Variants in BICD2 observed in about 807,000 individuals in gnomAD.
The protein encoded by BICD2 is BICD cargo adaptor 2.
BICD2 carries 25 observed loss-of-function variants against 72.9 expected under a neutral mutation model. The observed-to-expected ratio is 0.34, with a 90% CI of 0.25 to 0.48. The LOEUF is 0.48. BICD2 is among the 20% of genes least tolerant of loss of function. The probability of loss-of-function intolerance (pLI) is 0.99; values close to 1 mark genes in which losing one functional copy is unlikely to be tolerated. For missense variants in BICD2, 894 were observed against 1,175.2 expected (o/e 0.76, Z 3.50); for synonymous variants, 501 against 516.1 (o/e 0.97, Z 0.40).
chr9:92,722,592 G>C, intron 3 of BICD2, 64 bp downstream of exon 3: 4 of 1,603,774 alleles, frequency 2.5e-6, no homozygotes, highest in South Asian at 2.2e-5. Context: ...GAGGGGCTGA[G>C]CAAGAGGTCC....
chr9:92,720,164 G>T lies in BICD2; in HGVS notation c.1062+136C>A. The T allele has an allele frequency of 1.1e-6, 1 of 943,740 alleles. No homozygotes were observed. Among genetic ancestry groups the T allele is most frequent in the Non-Finnish European group, 1.5e-6 (1 of 650,676 alleles). 58.5% of individuals were successfully genotyped at this position (943,740 alleles called of 1,614,324 possible). ...GTGTGCTCCTGGAGTTCCATTTACC[G>T]TAATGATGCAGGAGATAAAATCAAC... On this transcript the variant is annotated intron_variant, in intron 4 of 6. Transcript: ENST00000356884. The surrounding 1 kb of genome is among the most constrained non-coding windows in gnomAD (Gnocchi z 5.4).
intron 2 of BICD2, among the ~76,000 whole-genome samples, chr9:92,724,254 G>A (rs1319334765): frequency 2.6e-5 from 4 of 152,136 alleles, no homozygotes; most frequent in African/African-American, 7.2e-5. Context: ...GGTCACATGT[G>A]TGCACTCATC....
In BICD2 at chr9:92,719,267, G is replaced by A; in HGVS notation, c.1378C>T (p.His460Tyr). The A allele has an allele frequency of 6.2e-7, 1 of 1,613,598 alleles. No individual in the cohort carries two copies. The highest frequency in any genetic ancestry group is 1.7e-5 in the Admixed American group (1 of 60,028). Residue 460 changes from histidine (H) to tyrosine (Y), a missense_variant, in exon 5 of 7, where the codon CAC becomes TAC. Physicochemically the swap from His to Tyr is moderately conservative, Grantham distance 83. Transcript: ENST00000356884. ...GCGTGCTGGGCCTCACGAGCCTCGT[G>A]CGTGCTGCGCAGTGCCTTGAGCTGC... ...REQLKALRST[H>Y]EAREAQHAEE...
In BICD2 at chr9:92,715,086, G is replaced by T; in HGVS notation, c.*68C>A. 1 of 1,518,750 alleles carries T rather than the reference G, an allele frequency of 6.6e-7. No individual in the cohort carries two copies. The highest frequency in any genetic ancestry group is 8.8e-7 in the Non-Finnish European group (1 of 1,131,000). The allele number at this position is 1,518,750 out of a possible 1,614,324, so 94.1% of individuals were successfully genotyped here. A position where few individuals can be genotyped will look rare whatever the true frequency, so the allele number is the denominator to read the frequency against. On this transcript the variant is annotated 3_prime_UTR_variant, in exon 7 of 7. Coordinates refer to ENST00000356884, the MANE Select transcript of BICD2 (RefSeq NM_001003800.2). ...ACGTTAAGATTGACCTAGCACCGCC[G>T]TCCCGCTGCTGCTGGGTTAGTTGAG...
At chr9:92,742,706 C>T (rs1045807018) in intron 1 of BICD2, among the ~76,000 whole-genome samples, 2 of 151,958 alleles carry the variant, frequency 1.3e-5, no homozygotes, top group African/African-American at 4.8e-5. Context: ...CTATCACCCC[C>T]CCCAAAGAAA....
Position 92,718,796 on chromosome 9 carries a change from G to A in BICD2, c.1849C>T (p.Leu617=), listed in dbSNP as rs990859311. ...PSPGSSLPSP[L]SDPRREPMNI... ...ATGGGCTCCCGGCGTGGGTCACTCA[G>A]GGGTGATGGCAGTGAGGAGCCAGGC... The change falls in exon 5 of 7, where the codon CTG becomes TTG. Residue 617 remains leucine (L), a synonymous_variant. Transcript: ENST00000356884. The A allele has an allele frequency of 6.2e-7, 1 of 1,613,720 alleles. No homozygotes were observed. The highest frequency in any genetic ancestry group is 8.5e-7 in the Non-Finnish European group (1 of 1,179,898).
chr9:92,721,307 C>T (rs1167515920), intron 3 of BICD2, among the ~76,000 whole-genome samples: 1 of 152,076 alleles, frequency 6.6e-6, no homozygotes, highest in African/African-American at 2.4e-5. Context: ...ACAGAAACTC[C>T]CCGCAAGGCA....
intron 2 of BICD2, among the ~76,000 whole-genome samples, chr9:92,725,057 A>G (rs1000061876): frequency 7.9e-5 from 12 of 152,340 alleles, no homozygotes; most frequent in African/African-American, 2.9e-4. Flanking sequence ...GTGGGAAGTG[A>G]GAGCCCAGAA....
rs1016057153 is a variant in BICD2 at position 92,720,903 on chromosome 9, T to C, written c.607-148A>G. 1 of 814,030 alleles carries C rather than the reference T, an allele frequency of 1.2e-6. No homozygotes were observed. Among genetic ancestry groups the C allele is most frequent in the Non-Finnish European group, 1.9e-6 (1 of 529,478 alleles). 50.4% of individuals were successfully genotyped at this position (814,030 alleles called of 1,614,324 possible). On this transcript the variant is annotated intron_variant, in intron 3 of 6. Coordinates refer to ENST00000356884, the MANE Select transcript of BICD2 (RefSeq NM_001003800.2). This position sits in a 1 kb window ranked among gnomAD's most constrained non-coding sequence, Gnocchi z 5.4. ...AGGTGAGGTGCCATCCTGGGAAGGGTGGCAGCCCGTCCAGGCCAAGACTGC... is the reference window on the plus strand; with the variant it reads ...AGGTGAGGTGCCATCCTGGGAAGGGCGGCAGCCCGTCCAGGCCAAGACTGC...
chr9:92,743,854 C>T (rs919376135), intron 1 of BICD2, among the ~76,000 whole-genome samples: 2 of 152,134 alleles, frequency 1.3e-5, no homozygotes, highest in African/African-American at 4.8e-5. Context: ...TGAAAAGGCT[C>T]TTTATAAAAG....
intron 1 of BICD2, among the ~76,000 whole-genome samples, chr9:92,758,451 C>T (rs951168248): frequency 6.7e-6 from 1 of 149,078 alleles, no homozygotes; most frequent in Non-Finnish European, 1.5e-5. Context: ...ACTCAGGAGG[C>T]TGAGGCATGA....
At chr9:92,722,497 A>G (rs1853483356) in intron 3 of BICD2, among the ~76,000 whole-genome samples, 159 bp downstream of exon 3, 1 of 152,160 alleles carries the variant, frequency 6.6e-6, no homozygotes, top group South Asian at 2.1e-4. Context: ...GGGTCCCACC[A>G]AGTATACCCC....
chr9:92,728,093 T>C (rs1372157376), intron 2 of BICD2, among the ~76,000 whole-genome samples: 11 of 152,194 alleles, frequency 7.2e-5, no homozygotes. Flanking sequence ...TCCTCCCACC[T>C]GCCCCAGTGG....
intron 3 of BICD2, among the ~76,000 whole-genome samples, chr9:92,721,303 A>G (rs180828749): frequency 6.6e-6 from 1 of 152,122 alleles, no homozygotes; most frequent in East Asian, 1.9e-4. Context: ...AGGAACAGAA[A>G]CTCCCCGCAA....
intron 1 of BICD2, among the ~76,000 whole-genome samples, chr9:92,730,728 C>G (rs1853663880): frequency 6.6e-6 from 1 of 152,170 alleles, no homozygotes; most frequent in Non-Finnish European, 1.5e-5. Context: ...CACAGCCCAG[C>G]AGGAAGACTG....
At chr9:92,718,023 G>T in intron 5 of BICD2, 75 bp from the exon 6 acceptor site, 1 of 1,528,622 alleles carries the variant, frequency 6.5e-7, no homozygotes. Context: ...AGCAGGATCG[G>T]GAGCCCCGGT....
intron 1 of BICD2, among the ~76,000 whole-genome samples, chr9:92,752,461 C>A (rs774305560): frequency 6.6e-6 from 1 of 152,140 alleles, no homozygotes; most frequent in Non-Finnish European, 1.5e-5. Context: ...GGATTATAAC[C>A]CAAAGTATAA....
rs933974794 is a variant in BICD2, at chr9:92,714,462, C to T, written c.*692G>A. The T allele has an allele frequency of 1.5e-5, 15 of 985,506 alleles. No homozygotes were observed. In the African/African-American group the frequency reaches 2.4e-4, roughly 16 times the overall value. The allele number at this position is 985,506 out of a possible 1,614,324, so 61.0% of individuals were successfully genotyped here. ...CCTCACAGGCCACTATACAAGCATC[C>T]TGATCTCAGAAATGAGAAACCGAGC... is the stretch of plus-strand genomic sequence containing the variant. On this transcript the variant is annotated 3_prime_UTR_variant, in exon 7 of 7. Coordinates refer to ENST00000356884, the MANE Select transcript of BICD2 (RefSeq NM_001003800.2).
intron 1 of BICD2, among the ~76,000 whole-genome samples, chr9:92,732,441 T>C (rs1393497427): frequency 6.6e-6 from 1 of 152,116 alleles, no homozygotes; most frequent in East Asian, 1.9e-4. Context: ...TTTTCCAAAT[T>C]TGATGAAAAT....
Sources: gnomAD v4.1 joint callset for allele counts (sites outside exome capture counted in the v4.1 genomes callset) on GRCh38, gnomAD v4.1.1 for gene constraint, Gnocchi (gnomAD v3.1) non-coding constraint, MANE v1.5 for transcripts, NCBI Gene and HGNC (gene_info 2026-07-23, HGNC 2026-07-21) for gene names.